Variants in RBFOX2 observed in about 807,000 individuals in gnomAD.
RBFOX2 encodes the protein RNA binding fox-1 homolog 2.
In RBFOX2, 10 loss-of-function variants were observed where a neutral mutation model predicts 49.1. The ratio of observed to expected loss-of-function variants is 0.20; its 90% confidence interval spans 0.13 to 0.35. The LOEUF (loss-of-function observed/expected upper bound fraction) is 0.35. Among genes scored for constraint, RBFOX2 ranks in the 10% least tolerant of loss-of-function variants. RBFOX2 has a pLI of 1.00. For synonymous variants in RBFOX2, 183 were observed against 187.4 expected (o/e 0.98, Z 0.19); for missense variants, 323 against 486.9 (o/e 0.66, Z 3.17).
intron 1 of RBFOX2, among the ~76,000 whole-genome samples, chr22:35,975,183 T>C (rs1318778027): frequency 1.3e-5 from 2 of 152,234 alleles, no homozygotes; most frequent in South Asian, 2.1e-4. Flanking sequence ...CAAATTGCTA[T>C]AGAAGTTCTA....
intron 1 of RBFOX2, among the ~76,000 whole-genome samples, chr22:35,974,928 G>A (rs2150029373): frequency 6.6e-6 from 1 of 152,192 alleles, no homozygotes; most frequent in East Asian, 1.9e-4. Flanking sequence ...AAACTCAGCA[G>A]AAATACTAAA....
At chr22:35,853,491 T>G (rs2042170166) in intron 1 of RBFOX2, among the ~76,000 whole-genome samples, 1 of 152,132 alleles carries the variant, frequency 6.6e-6, no homozygotes, top group Non-Finnish European at 1.5e-5. Context: ...AAATTTATTG[T>G]GTAATTAGTT....
At chr22:35,779,092 A>C (rs375479358) in intron 3 of RBFOX2, among the ~76,000 whole-genome samples, 1 of 152,234 alleles carries the variant, frequency 6.6e-6, no homozygotes, top group African/African-American at 2.4e-5. Context: ...CAGAAAAGCA[A>C]ACAAAAACTA....
At chr22:35,751,422 G>A (rs867477680) in intron 9 of RBFOX2, among the ~76,000 whole-genome samples, 5 of 152,208 alleles carry the variant, frequency 3.3e-5, no homozygotes, top group African/African-American at 4.8e-5. Flanking sequence ...GGCGGCAGGG[G>A]GTGGGTAAGG....
chr22:35,982,271 T>C (rs919203782), intron 1 of RBFOX2, among the ~76,000 whole-genome samples: 2 of 152,190 alleles, frequency 1.3e-5, no homozygotes, highest in African/African-American at 4.8e-5. Flanking sequence ...CCAGTATTTC[T>C]CTATTCTTTC....
intron 1 of RBFOX2, among the ~76,000 whole-genome samples, chr22:35,870,822 T>C (rs546699241): frequency 3.9e-5 from 6 of 152,288 alleles, no homozygotes; most frequent in South Asian, 2.1e-4. Context: ...TGTCATTTGG[T>C]CCACTAACCA....
At chr22:35,949,806 G>A (rs1020893498) in intron 1 of RBFOX2, among the ~76,000 whole-genome samples, 31 of 152,062 alleles carry the variant, frequency 2.0e-4, no homozygotes, top group Non-Finnish European at 5.9e-5. Context: ...TATATATTTT[G>A]GATATTAATC....
chr22:35,882,481 A>G (rs192411333), intron 1 of RBFOX2, among the ~76,000 whole-genome samples: 1 of 152,250 alleles, frequency 6.6e-6, no homozygotes, highest in Non-Finnish European at 1.5e-5. Flanking sequence ...AAAGGAAAAG[A>G]AATTCAGCAG....
chr22:35,859,987 T>A lies in RBFOX2; in HGVS notation c.-33-49983A>T, dbSNP rs367646906. Among the ~76,000 whole-genome samples, 18 of 152,324 alleles carry A rather than the reference T, an allele frequency of 1.2e-4. 1 individual carries two copies. The South Asian group carries it at 3.5e-3, about 30-fold the overall frequency. On this transcript the variant is annotated intron_variant, in intron 1 of 13. Transcript: ENST00000359369. ...GTTAGGGAAACATACCTAAAAATAA[T>A]TTCACATACATTATCTTATACAACA...
intron 2 of RBFOX2, among the ~76,000 whole-genome samples, chr22:35,782,244 TCTAGAGTTA>T (rs1159066738): frequency 6.6e-6 from 1 of 152,172 alleles, no homozygotes; most frequent in Non-Finnish European, 1.5e-5. Context: ...CTCTATTAGC[TCTAGAGTTA>T]CTACTACTAT....
chr22:35,883,733 AAC>A, intron 1 of RBFOX2, among the ~76,000 whole-genome samples: 1 of 152,314 alleles, frequency 6.6e-6, no homozygotes, highest in Middle Eastern at 3.4e-3. Context: ...CAGTTCATGA[AAC>A]ACACTTTCTG....
At position 36,026,541 on chromosome 22, in the gene RBFOX2, T is replaced by TACAGACAC. The variant is rs5845246; in HGVS notation, c.186+1698_186+1699insGTGTCTGT. On this transcript the variant is annotated intron_variant, in intron 1 of 13. Transcript: ENST00000438146. Reference sequence around the variant, plus strand: ...TTGACAGAAATGATAAATGAATACATACACACACACACACACACACACACA... The same window carrying TACAGACAC: ...TTGACAGAAATGATAAATGAATACATACAGACACACACACACACACACACACACACACA... Among the ~76,000 whole-genome samples the TACAGACAC allele has an allele frequency of 3.8e-4, 52 of 136,644 alleles. 1 individual carries two copies. Among genetic ancestry groups the TACAGACAC allele is most frequent in the African/African-American group, 1.1e-3 (36 of 34,004 alleles). The allele number at this position is 136,644 out of a possible 152,430, so 89.6% of individuals were successfully genotyped here.
intron 1 of RBFOX2, among the ~76,000 whole-genome samples, chr22:35,956,734 T>C (rs2055604804): frequency 6.6e-6 from 1 of 152,132 alleles, no homozygotes; most frequent in Admixed American, 6.5e-5. Flanking sequence ...TGGCATCCCA[T>C]GAAAAAAGTT....
chr22:35,929,954 T>C (rs1336368700), intron 1 of RBFOX2, among the ~76,000 whole-genome samples: 1 of 151,628 alleles, frequency 6.6e-6, no homozygotes, highest in Non-Finnish European at 1.5e-5. Flanking sequence ...GTTTACTAAA[T>C]ATCACTGAAC....
At chr22:35,840,334 A>G in exon 1 of RBFOX2, 1 of 1,532,088 alleles carries the variant, frequency 6.5e-7, no homozygotes, top group Non-Finnish European at 8.9e-7. Context: ...TGGGTAATTG[A>G]TCTCTCTTTA....
chr22:35,867,036 T>C (rs1410866697), intron 1 of RBFOX2, among the ~76,000 whole-genome samples: 2 of 152,080 alleles, frequency 1.3e-5, no homozygotes, highest in Admixed American at 1.3e-4. Flanking sequence ...AAAATAAATA[T>C]GAAATTATCT....
intron 1 of RBFOX2, among the ~76,000 whole-genome samples, chr22:35,889,370 G>C (rs563569622): frequency 1.3e-4 from 20 of 152,126 alleles, no homozygotes; most frequent in African/African-American, 4.8e-4. Flanking sequence ...ACATCTCAAA[G>C]TTACCCAAGT....
chr22:35,975,155 C>A (rs2057084034), intron 1 of RBFOX2, among the ~76,000 whole-genome samples: 1 of 152,134 alleles, frequency 6.6e-6, no homozygotes, highest in South Asian at 2.1e-4. Context: ...AGACTTAACA[C>A]TCATAAAAGT....
intron 2 of RBFOX2, among the ~76,000 whole-genome samples, chr22:35,787,666 CTT>C (rs1315393425): frequency 1.3e-5 from 2 of 152,138 alleles, no homozygotes; most frequent in African/African-American, 4.8e-5. Flanking sequence ...GTTTTTAAGT[CTT>C]ATCTTTGTGA....
Sources: allele counts gnomAD v4.1 joint callset (sites outside exome capture counted in the v4.1 genomes callset), GRCh38; gene constraint gnomAD v4.1.1; transcripts MANE v1.5; gene names NCBI Gene and HGNC (gene_info 2026-07-23, HGNC 2026-07-21).